CATSPERT: variants seen among roughly 807,000 people sequenced by gnomAD.
CATSPERT encodes catsper channel auxiliary subunit tau.
chr2:201,508,641 G>A, the CATSPERT span, among the ~76,000 whole-genome samples: 1 of 152,210 alleles, frequency 6.6e-6, no homozygotes, highest in Non-Finnish European at 1.5e-5. Flanking sequence ...CACTTTGGGA[G>A]GCCGAGGTGG....
At chr2:201,531,763 A>C in the CATSPERT span, among the ~76,000 whole-genome samples, 1 of 152,238 alleles carries the variant, frequency 6.6e-6, no homozygotes, top group Non-Finnish European at 1.5e-5. Context: ...AGGAATAGTA[A>C]GAATACTAAT....
At chr2:201,616,768 G>A in the CATSPERT span, among the ~76,000 whole-genome samples, 2 of 152,160 alleles carry the variant, frequency 1.3e-5, no homozygotes, top group East Asian at 3.8e-4. Context: ...AAGTCAAATT[G>A]TCCCTGTTTG....
chr2:201,616,958 A>G, the CATSPERT span, among the ~76,000 whole-genome samples: 7 of 152,236 alleles, frequency 4.6e-5, no homozygotes, highest in African/African-American at 1.4e-4. Context: ...CCCATTCACA[A>G]TTGCTTCAAA....
chr2:201,550,747 T>C, the CATSPERT span: 1 of 152,210 alleles, frequency 6.6e-6, no homozygotes, highest in Non-Finnish European at 1.5e-5. Flanking sequence ...CCTATTTTCA[T>C]TGGCTCAACA....
At chr2:201,491,190 C>A in the CATSPERT span, 2 of 1,532,806 alleles carry the variant, frequency 1.3e-6, no homozygotes, top group South Asian at 2.4e-5. Context: ...TTCTTGCAGT[C>A]CAGTGAAGCA....
the CATSPERT span, among the ~76,000 whole-genome samples, chr2:201,589,835 G>A: frequency 6.6e-6 from 1 of 151,680 alleles, no homozygotes; most frequent in African/African-American, 2.4e-5. Flanking sequence ...AAGAATGGGG[G>A]AAAATTTTTG....
At chr2:201,537,524 A>G in the CATSPERT span, 2 of 1,350,646 alleles carry the variant, frequency 1.5e-6, no homozygotes, top group East Asian at 2.8e-5. Context: ...CATAAAAACA[A>G]TAAACACATA....
chr2:201,511,569 C>T, the CATSPERT span, among the ~76,000 whole-genome samples: 4 of 152,062 alleles, frequency 2.6e-5, no homozygotes, highest in Admixed American at 2.0e-4. Context: ...ATTAATTTCC[C>T]CATCTCTCCT....
At chr2:201,618,959 C>T in the CATSPERT span, 1 of 1,613,958 alleles carries the variant, frequency 6.2e-7, no homozygotes, top group East Asian at 2.2e-5. Flanking sequence ...GCCGTCGTGC[C>T]CTGGTTCAGG....
At chr2:201,495,110 A>G in the CATSPERT span, among the ~76,000 whole-genome samples, 2 of 152,108 alleles carry the variant, frequency 1.3e-5, no homozygotes, top group South Asian at 4.1e-4. Context: ...TCAGGATCCA[A>G]GTCTCATTTA....
the CATSPERT span, chr2:201,492,315 CTTTT>C: frequency 3.3e-6 from 5 of 1,535,830 alleles, no homozygotes; most frequent in Non-Finnish European, 3.5e-6. Flanking sequence ...CTTCTAATTG[CTTTT>C]TTGTCATTAG....
At chr2:201,554,557 C>T in the CATSPERT span, 3 of 151,988 alleles carry the variant, frequency 2.0e-5, no homozygotes, top group African/African-American at 7.2e-5. Context: ...TTTTTTTCTC[C>T]AACTCACTAT....
the CATSPERT span, among the ~76,000 whole-genome samples, chr2:201,586,183 T>C: frequency 1.3e-5 from 2 of 152,192 alleles, no homozygotes; most frequent in Admixed American, 1.3e-4. Flanking sequence ...ACAAAATATG[T>C]GTCGATCAAC....
the CATSPERT span, among the ~76,000 whole-genome samples, chr2:201,606,388 A>G: frequency 2.6e-5 from 4 of 152,244 alleles, no homozygotes; most frequent in Non-Finnish European, 5.9e-5. Context: ...CTGTATTTTT[A>G]TAAAGTTCAA....
At chr2:201,605,661 T>C in the CATSPERT span, among the ~76,000 whole-genome samples, 1 of 152,142 alleles carries the variant, frequency 6.6e-6, no homozygotes, top group Admixed American at 6.5e-5. Flanking sequence ...AAAGCTATTA[T>C]AGGGAGAAAA....
the CATSPERT span, among the ~76,000 whole-genome samples, chr2:201,569,654 C>T: frequency 3.3e-5 from 5 of 152,182 alleles, no homozygotes; most frequent in Non-Finnish European, 5.9e-5. Flanking sequence ...ACTCATTTCT[C>T]ATAGTCATGG....
chr2:201,572,633 C>T, the CATSPERT span, among the ~76,000 whole-genome samples: 1 of 152,014 alleles, frequency 6.6e-6, no homozygotes, highest in South Asian at 2.1e-4. Context: ...GACACAAAAC[C>T]TACCTCCGGA....
the CATSPERT span, chr2:201,491,396 C>T: frequency 6.5e-7 from 1 of 1,537,102 alleles, no homozygotes; most frequent in Non-Finnish European, 8.7e-7. Context: ...TCTTCTACAA[C>T]CTTATATTGG....
the CATSPERT span, among the ~76,000 whole-genome samples, chr2:201,616,125 G>A: frequency 6.6e-6 from 1 of 152,140 alleles, no homozygotes; most frequent in Non-Finnish European, 1.5e-5. Context: ...TTCTACCAGA[G>A]GTACAAAGAG....
Sources: allele counts gnomAD v4.1 joint callset (sites outside exome capture counted in the v4.1 genomes callset), GRCh38; gene constraint gnomAD v4.1.1; transcripts MANE v1.5; gene names NCBI Gene and HGNC (gene_info 2026-07-23, HGNC 2026-07-21).